The following SPOCK3 variants were observed in gnomAD, a reference collection of about 807,000 sequenced individuals.
The protein encoded by SPOCK3 is testican-3.
SPOCK3 carries 30 observed loss-of-function variants against 56.6 expected under a neutral mutation model. The observed-to-expected ratio is 0.53, with a 90% CI of 0.40 to 0.72. The LOEUF is 0.72. SPOCK3 is among the 30% of genes least tolerant of loss of function. The pLI is 0.00. For synonymous variants in SPOCK3, 196 were observed against 183.3 expected (o/e 1.07, Z -0.56); for missense variants, 527 against 530.0 (o/e 0.99, Z 0.06).
intron 2 of SPOCK3, among the ~76,000 whole-genome samples, chr4:167,071,354 T>A (rs1230625390): frequency 6.6e-6 from 1 of 152,056 alleles, no homozygotes; most frequent in Non-Finnish European, 1.5e-5. Context: ...ACTCGTCGTC[T>A]ACATTAGGTG....
rs1321820293 is a variant in SPOCK3 at position 166,756,017 on chromosome 4, C to T, written c.710-1288G>A. ...GGGAGTGCCAGACAGTGGGCGCAGG[C>T]CAGTGTGTGTGCGCACCGTGCGCGA... is the stretch of plus-strand genomic sequence containing the variant. On this transcript the variant is annotated intron_variant, in intron 7 of 10. Coordinates refer to ENST00000357545, the MANE Select transcript of SPOCK3 (RefSeq NM_001040159.2). 1.2e-4 allele frequency among the ~76,000 whole-genome samples: 4 copies of T among 32,570 alleles called. 2 individuals carry two copies. The highest frequency in any genetic ancestry group is 1.4e-4 in the Non-Finnish European group (2 of 14,540). The allele number at this position is 32,570 out of a possible 152,430, so 21.4% of individuals were successfully genotyped here. A position where few individuals can be genotyped will look rare whatever the true frequency, so the allele number is the denominator to read the frequency against.
intron 2 of SPOCK3, among the ~76,000 whole-genome samples, chr4:167,114,637 C>T (rs1370507817): frequency 6.6e-6 from 1 of 152,108 alleles, no homozygotes; most frequent in Non-Finnish European, 1.5e-5. Context: ...GTGTGACAGA[C>T]AAGACTTGGC....
chr4:166,765,008 A>C (rs1183552778), intron 7 of SPOCK3, among the ~76,000 whole-genome samples: 1 of 152,096 alleles, frequency 6.6e-6, no homozygotes, highest in Non-Finnish European at 1.5e-5. Flanking sequence ...GTGTCTGTTC[A>C]TATCCTTTAC....
At chr4:167,148,500 T>C (rs1764161171) in intron 2 of SPOCK3, among the ~76,000 whole-genome samples, 1 of 152,152 alleles carries the variant, frequency 6.6e-6, no homozygotes, top group African/African-American at 2.4e-5. Flanking sequence ...TGTTAAACTT[T>C]TACTCTACTA....
chr4:166,769,982 C>T (rs559212897), intron 7 of SPOCK3, among the ~76,000 whole-genome samples: 4 of 152,272 alleles, frequency 2.6e-5, no homozygotes, highest in East Asian at 1.9e-4. Flanking sequence ...TGGTACCCTC[C>T]GAGCCATGCA....
chr4:167,066,258 A>G (rs1338169802), intron 2 of SPOCK3, among the ~76,000 whole-genome samples: 2 of 151,944 alleles, frequency 1.3e-5, no homozygotes, highest in East Asian at 3.9e-4. Context: ...TTTGAGCCAG[A>G]TAATTCTTCG....
chr4:166,954,081 T>C (rs1743085136), intron 4 of SPOCK3, among the ~76,000 whole-genome samples: 1 of 150,084 alleles, frequency 6.7e-6, no homozygotes, highest in Non-Finnish European at 1.5e-5. Context: ...ACTTAAAGTA[T>C]AATAAAAAAA....
intron 3 of SPOCK3, among the ~76,000 whole-genome samples, chr4:167,060,309 AAAAC>A (rs1052379236): frequency 5.3e-5 from 8 of 151,650 alleles, no homozygotes; most frequent in African/African-American, 9.7e-5. Flanking sequence ...AAAAAAAGAA[AAAAC>A]AAACAAAAAA....
At chr4:166,843,143 A>G (rs1747655353) in intron 6 of SPOCK3, among the ~76,000 whole-genome samples, 2 of 152,160 alleles carry the variant, frequency 1.3e-5, no homozygotes, top group South Asian at 4.1e-4. Flanking sequence ...CCCACCCAGA[A>G]CAAGCACTGG....
At chr4:167,023,579 G>A (rs1751406340) in intron 3 of SPOCK3, among the ~76,000 whole-genome samples, 1 of 151,986 alleles carries the variant, frequency 6.6e-6, no homozygotes. Context: ...TAGCTTTCAT[G>A]ACACCAGTGG....
intron 5 of SPOCK3, among the ~76,000 whole-genome samples, chr4:166,891,392 C>G (rs1734762642): frequency 1.3e-5 from 2 of 151,962 alleles, no homozygotes; most frequent in African/African-American, 4.8e-5. Flanking sequence ...TTACTCATGT[C>G]TCTACAATAT....
At chr4:166,867,716 G>A (rs1731985009) in intron 6 of SPOCK3, among the ~76,000 whole-genome samples, 1 of 151,208 alleles carries the variant, frequency 6.6e-6, no homozygotes, top group Non-Finnish European at 1.5e-5. Context: ...TTATATTTAG[G>A]CATAGTTACA....
chr4:166,789,503 A>G (rs947683473), intron 7 of SPOCK3, among the ~76,000 whole-genome samples: 2 of 152,272 alleles, frequency 1.3e-5, no homozygotes, highest in East Asian at 3.9e-4. Context: ...ATATTAAAAA[A>G]TCAAAACCAA....
rs993070561 is a variant in SPOCK3 at position 167,061,641 on chromosome 4, A to G, written c.235+851T>C. Among the ~76,000 whole-genome samples the G allele has an allele frequency of 2.6e-5, 4 of 151,914 alleles. 1 individual carries two copies. In the South Asian group the frequency reaches 8.3e-4, roughly 31 times the overall value. ...AAAATACTCTGAGCTCCTTTAAATA[A>G]CATATTGTGTCTTCATCATCTAATC... On this transcript the variant is annotated intron_variant, in intron 3 of 10. Coordinates refer to ENST00000357545, the MANE Select transcript of SPOCK3 (RefSeq NM_001040159.2).
intron 2 of SPOCK3, among the ~76,000 whole-genome samples, chr4:167,188,113 AG>A (rs1323782734): frequency 2.7e-5 from 4 of 146,874 alleles, no homozygotes; most frequent in African/African-American, 1.0e-4. Flanking sequence ...AGTGCAAAGT[AG>A]TGGAGGTTCA....
chr4:166,940,639 T>C (rs1054863195), intron 4 of SPOCK3, among the ~76,000 whole-genome samples: 4 of 151,280 alleles, frequency 2.6e-5, no homozygotes, highest in Non-Finnish European at 5.9e-5. Flanking sequence ...AGATTTAAGA[T>C]GCTAATGAGA....
At chr4:167,194,416 C>A (rs1732744477) in intron 2 of SPOCK3, among the ~76,000 whole-genome samples, 1 of 152,130 alleles carries the variant, frequency 6.6e-6, no homozygotes. Context: ...GCTTATAGAT[C>A]TCCATTTCTT....
chr4:166,966,779 A>G (rs1362080696), intron 4 of SPOCK3, among the ~76,000 whole-genome samples: 3 of 152,186 alleles, frequency 2.0e-5, no homozygotes, highest in African/African-American at 7.2e-5. Context: ...ATTATTTAAA[A>G]AATTTGACCT....
intron 2 of SPOCK3, among the ~76,000 whole-genome samples, chr4:167,116,909 G>GTCTATATATATATATATA: frequency 8.1e-6 from 1 of 123,518 alleles, no homozygotes; most frequent in Non-Finnish European, 1.8e-5. Flanking sequence ...TTGTGTGTGT[G>GTCTATATATATATATATA]TGTGTATATA....
Sources: gnomAD v4.1 joint callset for allele counts (sites outside exome capture counted in the v4.1 genomes callset) on GRCh38, gnomAD v4.1.1 for gene constraint, MANE v1.5 for transcripts, NCBI Gene and HGNC (gene_info 2026-07-23, HGNC 2026-07-21) for gene names.